TMEM94: variants seen among roughly 807,000 people sequenced by gnomAD.
The protein encoded by TMEM94 is transmembrane protein 94, also known as ER Mg2+ ATPase.
Under a neutral mutation model 158.6 loss-of-function variants are expected in TMEM94, and 81 were observed. The observed-to-expected ratio is 0.51, with a 90% CI of 0.43 to 0.61. The LOEUF (loss-of-function observed/expected upper bound fraction) is 0.61, where lower values mean the gene tolerates loss of function less well. Among genes scored for constraint, TMEM94 ranks in the 20% least tolerant of loss-of-function variants. TMEM94 has a pLI of 0.00. For synonymous variants in TMEM94, 751 were observed against 730.7 expected, an observed-to-expected ratio of 1.03 and a Z score of -0.45; for missense variants, 1,435 against 1,762.0, an observed-to-expected ratio of 0.81 and a Z score of 3.32.
rs1352204601 is a variant in TMEM94, at chr17:75,485,493, G to A, written c.90G>A (p.Leu30=). ...RKALSVLKEQ[L]EAVLEGHLRE... ...CCCTCAGCGTCCTGAAGGAGCAGCT[G>A]GAGGCAGTGCTGGAAGGACATCTCA... is the stretch of plus-strand genomic sequence containing the variant. Residue 30 remains leucine (L), a synonymous_variant, in exon 3 of 32, where the codon CTG becomes CTA. Coordinates refer to ENST00000314256, the MANE Select transcript of TMEM94 (RefSeq NM_014738.6). The surrounding 1 kb of genome is among the most constrained non-coding windows in gnomAD (Gnocchi z 5.5). 1.9e-6 allele frequency: 3 copies of A among 1,614,230 alleles called. No individual in the cohort carries two copies. Among genetic ancestry groups the A allele is most frequent in the South Asian group, 2.2e-5 (2 of 91,082 alleles).
chr17:75,470,669 C>T (rs1333562210), intron 1 of TMEM94, among the ~76,000 whole-genome samples: 1 of 151,518 alleles, frequency 6.6e-6, no homozygotes, highest in Non-Finnish European at 1.5e-5. Context: ...CGCGCCACTG[C>T]ACTCCAGCCT....
intron 2 of TMEM94, among the ~76,000 whole-genome samples, chr17:75,472,330 C>G (rs2050531627): frequency 6.6e-6 from 1 of 152,228 alleles, no homozygotes; most frequent in Non-Finnish European, 1.5e-5. Context: ...AATCAGACTT[C>G]AAACACAGCT....
chr17:75,486,558 G>A, intron 5 of TMEM94, 132 bp downstream of exon 5: 1 of 1,103,892 alleles, frequency 9.1e-7, no homozygotes, highest in Non-Finnish European at 1.3e-6. Context: ...GTCATCTGGG[G>A]AGTTAGAAGG....
chr17:75,472,916 C>T (rs1047485177), intron 2 of TMEM94, among the ~76,000 whole-genome samples: 1 of 152,178 alleles, frequency 6.6e-6, no homozygotes, highest in Non-Finnish European at 1.5e-5. Flanking sequence ...TCCTTCCTTC[C>T]AGAGGTCCTT....
chr17:75,469,951 T>C lies in TMEM94; in HGVS notation c.-106-1849T>C, dbSNP rs1289076921. On this transcript the variant is annotated intron_variant, in intron 1 of 31. Transcript: ENST00000314256. ...AGCTGGGCGTGGTGGCACATGCCTG[T>C]AATCCCAGCTACTCAGGAGTCTGAG... Among the ~76,000 whole-genome samples, 4 of 152,018 alleles carry C rather than the reference T, an allele frequency of 2.6e-5. No individual in the cohort carries two copies. In the East Asian group the frequency reaches 7.8e-4, roughly 30 times the overall value.
chr17:75,490,628 C>T (rs545058809), intron 10 of TMEM94, 74 bp from the exon 11 acceptor site: 3 of 1,383,544 alleles, frequency 2.2e-6, no homozygotes, highest in South Asian at 2.4e-5. Context: ...GTGGGCCCCC[C>T]CTCTGCCAGC....
Position 75,491,256 on chromosome 17 carries a change from T to G in TMEM94, c.1234-47T>G. ...CCGCTTGAGTGGCCCCTGGGCAGGATAGGCTAATGCCAGGCCCCTTTCCTA... is the reference window on the plus strand; with the variant it reads ...CCGCTTGAGTGGCCCCTGGGCAGGAGAGGCTAATGCCAGGCCCCTTTCCTA... On this transcript the variant is annotated intron_variant, in intron 12 of 31. Transcript: ENST00000314256. This position sits in a 1 kb window ranked among gnomAD's most constrained non-coding sequence, Gnocchi z 5.1. 6.4e-7 allele frequency: 1 copy of G among 1,551,364 alleles called. No individual in the cohort carries two copies. Among genetic ancestry groups the G allele is most frequent in the Non-Finnish European group, 8.9e-7 (1 of 1,126,216 alleles).
At chr17:75,481,723 C>T (rs987972576) in intron 2 of TMEM94, among the ~76,000 whole-genome samples, 23 of 152,214 alleles carry the variant, frequency 1.5e-4, no homozygotes, top group Non-Finnish European at 2.9e-4. Flanking sequence ...CAGGGGTCAC[C>T]AGCCCCACAG....
Position 75,493,155 on chromosome 17 carries a change from A to C in TMEM94, c.2086+53A>C. On this transcript the variant is annotated intron_variant, in intron 16 of 31. Coordinates refer to ENST00000314256, the MANE Select transcript of TMEM94 (RefSeq NM_014738.6). ...CAGGCGAGACCTTCCAGAGCTTGGC[A>C]GGGGGGCTCTGCCCAGCCCCACCCA... The C allele has an allele frequency of 1.9e-6, 3 of 1,572,046 alleles. No individual in the cohort carries two copies. In the South Asian group the frequency reaches 3.4e-5, roughly 18 times the overall value.
rs183266436 is a variant in TMEM94, at chr17:75,478,812, C to T, written c.25-6616C>T. Among the ~76,000 whole-genome samples, 77 of 152,272 alleles carry T rather than the reference C, an allele frequency of 5.1e-4. No individual in the cohort carries two copies. In the South Asian group the frequency reaches 7.5e-3, roughly 15 times the overall value. On this transcript the variant is annotated intron_variant, in intron 2 of 31. Coordinates refer to ENST00000314256, the MANE Select transcript of TMEM94 (RefSeq NM_014738.6). ...CCGTGTAATTTGAGAAGTAGGGCCTCCCTTCCCCTTGGTGTGGTGGGAGTT... is the reference window on the plus strand; with the variant it reads ...CCGTGTAATTTGAGAAGTAGGGCCTTCCTTCCCCTTGGTGTGGTGGGAGTT...
chr17:75,460,054 A>T (rs2050014254), intron 1 of TMEM94, among the ~76,000 whole-genome samples: 1 of 152,100 alleles, frequency 6.6e-6, no homozygotes, highest in African/African-American at 2.4e-5. Context: ...AGACGGTAGT[A>T]AACAGTATGG....
At chr17:75,475,536 C>T (rs1389267148) in intron 2 of TMEM94, among the ~76,000 whole-genome samples, 2 of 152,236 alleles carry the variant, frequency 1.3e-5, no homozygotes, top group South Asian at 2.1e-4. Context: ...CCCCATGCCT[C>T]GGCCCCTGCT....
Position 75,490,645 on chromosome 17 carries a change from A to G in TMEM94, c.1072-57A>G. 9 of 1,491,392 alleles carry G rather than the reference A, an allele frequency of 6.0e-6. No individual in the cohort carries two copies. In the South Asian group the frequency reaches 1.0e-4, roughly 17 times the overall value. 92.4% of individuals were successfully genotyped at this position (1,491,392 alleles called of 1,614,324 possible). A position where few individuals can be genotyped will look rare whatever the true frequency, so the allele number is the denominator to read the frequency against. On this transcript the variant is annotated intron_variant, in intron 10 of 31. Coordinates refer to ENST00000314256, the MANE Select transcript of TMEM94 (RefSeq NM_014738.6). Reference sequence around the variant, plus strand: ...GGGCCCCCCCTCTGCCAGCTTGGAGAGGCCTGTGTGAAGGCGGCGTTTTCC... The same window carrying G: ...GGGCCCCCCCTCTGCCAGCTTGGAGGGGCCTGTGTGAAGGCGGCGTTTTCC...
Position 75,485,692 on chromosome 17 carries a change from G to A in TMEM94, c.144+145G>A. ...CATGAAATATCAGAAAGAAGCCAAG[G>A]TTCCCCTCAGAGTGGCTCCTGAGCC... On this transcript the variant is annotated intron_variant, in intron 3 of 31. Transcript: ENST00000314256. The surrounding 1 kb of genome is among the most constrained non-coding windows in gnomAD (Gnocchi z 5.5). 7.3e-7 allele frequency: 1 copy of A among 1,364,838 alleles called. No individual in the cohort carries two copies. The highest frequency in any genetic ancestry group is 1.0e-6 in the Non-Finnish European group (1 of 994,900). 84.5% of individuals were successfully genotyped at this position (1,364,838 alleles called of 1,614,324 possible).
chr17:75,467,749 G>T (rs1021905551), intron 1 of TMEM94, among the ~76,000 whole-genome samples: 14 of 150,628 alleles, frequency 9.3e-5, no homozygotes, highest in African/African-American at 3.4e-4. Context: ...AGCCAGGATG[G>T]TCTCGATCTC....
At position 75,489,358 on chromosome 17, in the gene TMEM94, C is replaced by T. The variant is rs769070170; in HGVS notation, c.857C>T (p.Pro286Leu). Residue 286 changes from proline (P) to leucine (L), a missense_variant, in exon 8 of 32, where the codon CCC becomes CTC. Physicochemically the swap from Pro to Leu is moderately conservative, Grantham distance 98. Transcript: ENST00000314256. This position sits in a 1 kb window ranked among gnomAD's most constrained non-coding sequence, Gnocchi z 5.0. ...TCGGTGATGCTACACTATGCTGTGCCCGTGGTCCTGGTGCGTGTGGCGGGG... is the reference window on the plus strand; with the variant it reads ...TCGGTGATGCTACACTATGCTGTGCTCGTGGTCCTGGTGCGTGTGGCGGGG... ...VQSVMLHYAV[P>L]VVLAGFLITN... 6.2e-7 allele frequency: 1 copy of T among 1,614,144 alleles called. No individual in the cohort carries two copies. The highest frequency in any genetic ancestry group is 1.7e-5 in the Admixed American group (1 of 60,032).
intron 1 of TMEM94, among the ~76,000 whole-genome samples, chr17:75,461,341 C>T (rs1368901047): frequency 6.6e-6 from 1 of 151,882 alleles, no homozygotes; most frequent in African/African-American, 2.4e-5. Context: ...CCCAGATGAT[C>T]CGCCTGCTTC....
At chr17:75,464,620 TTTCCTTCCTTCCTTCC>T (rs1179175769) in intron 1 of TMEM94, among the ~76,000 whole-genome samples, 4 of 89,414 alleles carry the variant, frequency 4.5e-5, no homozygotes, top group Admixed American at 1.3e-4. Flanking sequence ...CCTTTCTTTC[TTTCCTTCCTTCCTTCC>T]TTCCTTCCTT....
chr17:75,494,869 A>T (rs780732933), intron 19 of TMEM94, 27 bp from the exon 20 acceptor site: 5 of 1,613,350 alleles, frequency 3.1e-6, no homozygotes, highest in Non-Finnish European at 4.2e-6. Flanking sequence ...TTGGGCCCGT[A>T]TGTTCATGGC....
Sources: gnomAD v4.1 joint callset for allele counts (sites outside exome capture counted in the v4.1 genomes callset) on GRCh38, gnomAD v4.1.1 for gene constraint, Gnocchi (gnomAD v3.1) non-coding constraint, MANE v1.5 for transcripts, NCBI Gene and HGNC (gene_info 2026-07-23, HGNC 2026-07-21) for gene names.